Variants in MEMO1 observed in about 807,000 individuals in gnomAD.
MEMO1 encodes the protein mediator of cell motility 1, also known as protein MEMO1.
In MEMO1, 6 loss-of-function variants were observed where a neutral mutation model predicts 45.2. That is an observed-to-expected ratio of 0.13 (90% CI 0.07 to 0.26). The LOEUF is 0.26. Among genes scored for constraint, MEMO1 ranks in the 10% least tolerant of loss-of-function variants. The probability of loss-of-function intolerance (pLI) is 1.00; values close to 1 mark genes in which losing one functional copy is unlikely to be tolerated. For synonymous variants in MEMO1, 78 were observed against 124.3 expected (o/e 0.63, Z 2.48); for missense variants, 184 against 370.5 (o/e 0.50, Z 4.13).
chr2:31,908,316 T>A (rs1345570293), intron 6 of MEMO1, among the ~76,000 whole-genome samples: 1 of 152,078 alleles, frequency 6.6e-6, no homozygotes. Context: ...TATAAACAGG[T>A]GCTAGTTAAG....
chr2:31,910,671 G>C (rs767218983), intron 6 of MEMO1, among the ~76,000 whole-genome samples: 15 of 152,022 alleles, frequency 9.9e-5, no homozygotes, highest in African/African-American at 3.4e-4. Context: ...ACCAGCCTGG[G>C]CAGGATAGTG....
intron 3 of MEMO1, among the ~76,000 whole-genome samples, chr2:31,940,415 G>A (rs1039823417): frequency 3.3e-5 from 5 of 151,990 alleles, no homozygotes; most frequent in Non-Finnish European, 5.9e-5. Flanking sequence ...GATTCTATAC[G>A]AACACTTCAA....
intron 2 of MEMO1, among the ~76,000 whole-genome samples, chr2:31,974,390 G>A (rs1460896053): frequency 6.6e-6 from 1 of 152,146 alleles, no homozygotes; most frequent in Non-Finnish European, 1.5e-5. Flanking sequence ...GATGGTTTAT[G>A]TAATGAATAT....
At chr2:31,893,295 C>A in intron 6 of MEMO1, 1 of 1,191,368 alleles carries the variant, frequency 8.4e-7, no homozygotes, top group Non-Finnish European at 1.1e-6. Context: ...CTCTGCAATG[C>A]AGGGGCTTCT....
At chr2:31,948,001 G>C (rs182904586) in intron 2 of MEMO1, among the ~76,000 whole-genome samples, 55 of 152,310 alleles carry the variant, frequency 3.6e-4, no homozygotes, top group African/African-American at 1.2e-3. Context: ...TGAATCACCT[G>C]AGAATCTTGT....
intron 2 of MEMO1, among the ~76,000 whole-genome samples, chr2:31,964,888 T>C (rs1469106423): frequency 1.3e-5 from 2 of 152,034 alleles, no homozygotes; most frequent in Admixed American, 1.3e-4. Context: ...AAGTTTCTTT[T>C]AGAGCTATAT....
intron 6 of MEMO1, among the ~76,000 whole-genome samples, chr2:31,900,240 T>C (rs1197729535): frequency 6.6e-5 from 10 of 152,224 alleles, no homozygotes; most frequent in South Asian, 2.1e-4. Context: ...CATATGTTTA[T>C]TGTAGCACTG....
intron 6 of MEMO1, among the ~76,000 whole-genome samples, chr2:31,898,764 C>A (rs180721131): frequency 6.6e-6 from 1 of 152,074 alleles, no homozygotes; most frequent in African/African-American, 2.4e-5. Context: ...TCCTGAATAT[C>A]CTTGTTAATT....
chr2:31,950,034 C>T (rs1666654399), intron 2 of MEMO1, among the ~76,000 whole-genome samples: 1 of 152,132 alleles, frequency 6.6e-6, no homozygotes, highest in Admixed American at 6.5e-5. Flanking sequence ...GTTTCTATTG[C>T]TTAGAATTAT....
At chr2:31,930,118 C>T (rs946712067) in intron 4 of MEMO1, among the ~76,000 whole-genome samples, 3 of 152,162 alleles carry the variant, frequency 2.0e-5, no homozygotes, top group African/African-American at 7.2e-5. Context: ...AAAAAATTAA[C>T]TCAGTGTGGT....
intron 4 of MEMO1, 34 bp downstream of exon 4, chr2:31,932,033 C>A: frequency 6.4e-7 from 1 of 1,573,276 alleles, no homozygotes; most frequent in Non-Finnish European, 8.7e-7. Flanking sequence ...AATTCTCAAG[C>A]TTCTCCGACT....
At chr2:31,986,801 G>T (rs1247951893) in intron 2 of MEMO1, among the ~76,000 whole-genome samples, 1 of 152,146 alleles carries the variant, frequency 6.6e-6, no homozygotes, top group Non-Finnish European at 1.5e-5. Flanking sequence ...TATTCTATGT[G>T]CAGTAGAGGA....
chr2:31,887,291 C>G lies in MEMO1; in HGVS notation c.581-3829G>C, dbSNP rs76442749. ...TACCTTAAAACAAAAGGTAAAAGAA[C>G]AGTAAATACCTCAACATTAAGCTAT... On this transcript the variant is annotated intron_variant, in intron 7 of 9. Coordinates refer to ENST00000404530, the MANE Select transcript of MEMO1 (RefSeq NM_001301833.4). Among the ~76,000 whole-genome samples the G allele has an allele frequency of 1.2e-4, 18 of 152,202 alleles. 1 individual carries two copies. In the East Asian group the frequency reaches 3.3e-3, roughly 28 times the overall value.
intron 2 of MEMO1, among the ~76,000 whole-genome samples, chr2:31,952,364 A>G (rs1450210216): frequency 6.6e-6 from 1 of 152,238 alleles, no homozygotes; most frequent in Non-Finnish European, 1.5e-5. Flanking sequence ...ACCACCTCTT[A>G]GATTTGGCCA....
At chr2:31,976,548 A>T (rs1477107579) in intron 2 of MEMO1, among the ~76,000 whole-genome samples, 1 of 152,014 alleles carries the variant, frequency 6.6e-6, no homozygotes, top group Non-Finnish European at 1.5e-5. Context: ...ACTGGACTCC[A>T]GTCTGGGTGA....
intron 2 of MEMO1, among the ~76,000 whole-genome samples, chr2:31,967,795 T>C (rs949606350): frequency 5.3e-5 from 8 of 152,252 alleles, no homozygotes; most frequent in African/African-American, 1.9e-4. Context: ...TGAAAATGTG[T>C]GTTTGTGTTT....
intron 5 of MEMO1, among the ~76,000 whole-genome samples, chr2:31,920,565 A>T (rs956318407): frequency 6.6e-6 from 1 of 152,278 alleles, no homozygotes; most frequent in Non-Finnish European, 1.5e-5. Context: ...AACCACTACA[A>T]TCTGCACACT....
intron 8 of MEMO1, among the ~76,000 whole-genome samples, chr2:31,880,816 TATC>T (rs550675647): frequency 6.6e-6 from 1 of 152,186 alleles, no homozygotes; most frequent in South Asian, 2.1e-4. Context: ...TTAAAATAAG[TATC>T]ATCAGCTTAG....
intron 4 of MEMO1, among the ~76,000 whole-genome samples, chr2:31,924,306 C>T (rs2148198170): frequency 6.6e-6 from 1 of 152,026 alleles, no homozygotes; most frequent in African/African-American, 2.4e-5. Flanking sequence ...ACACCAAGGC[C>T]ACAGGGATAT....
Sources: allele counts gnomAD v4.1 joint callset (sites outside exome capture counted in the v4.1 genomes callset), GRCh38; gene constraint gnomAD v4.1.1; transcripts MANE v1.5; gene names NCBI Gene and HGNC (gene_info 2026-07-23, HGNC 2026-07-21).